PTPRM: variants seen among roughly 807,000 people sequenced by gnomAD.
PTPRM encodes the protein receptor-type tyrosine-protein phosphatase mu.
Under a neutral mutation model 186.7 loss-of-function variants are expected in PTPRM, and 47 were observed. The observed-to-expected ratio is 0.25, with a 90% CI of 0.20 to 0.32. PTPRM has a LOEUF of 0.32. PTPRM is among the 10% of genes least tolerant of loss of function. The pLI, the probability that PTPRM is intolerant of heterozygous loss-of-function variation, is 1.00. For missense variants in PTPRM, 1,494 were observed against 1,865.0 expected, an observed-to-expected ratio of 0.80 and a Z score of 3.66; for synonymous variants, 668 against 674.9, an observed-to-expected ratio of 0.99 and a Z score of 0.16.
intron 2 of PTPRM, among the ~76,000 whole-genome samples, chr18:7,835,542 G>A (rs1184057490): frequency 6.6e-6 from 1 of 152,116 alleles, no homozygotes; most frequent in Admixed American, 6.5e-5. Flanking sequence ...GGAAAAGAAT[G>A]TGTATTCTGC....
chr18:7,720,973 C>A (rs985965027), intron 1 of PTPRM, among the ~76,000 whole-genome samples: 1 of 151,892 alleles, frequency 6.6e-6, no homozygotes, highest in East Asian at 1.9e-4. Context: ...GCTTTGAATT[C>A]TTTTTGATAT....
At chr18:8,125,996 TATATATATATATATATATATATA>T (rs1320474157) in intron 13 of PTPRM, among the ~76,000 whole-genome samples, 20 of 13,232 alleles carry the variant, frequency 1.5e-3, no homozygotes, top group South Asian at 5.0e-3. Context: ...TATATATATA[TATATATATATATATATATATATA>T]TATATATATT....
At chr18:7,968,315 A>G (rs1485681423) in intron 7 of PTPRM, among the ~76,000 whole-genome samples, 2 of 146,174 alleles carry the variant, frequency 1.4e-5, no homozygotes, top group Non-Finnish European at 3.0e-5. Context: ...AGCGCTAAAC[A>G]TGGAAAGGAA....
intron 1 of PTPRM, among the ~76,000 whole-genome samples, chr18:7,753,090 A>G (rs973444990): frequency 6.6e-6 from 1 of 152,078 alleles, no homozygotes; most frequent in Non-Finnish European, 1.5e-5. Context: ...TTGGAAGGGG[A>G]TACAGGTCTC....
At chr18:7,768,193 C>T (rs2042102166) in intron 1 of PTPRM, among the ~76,000 whole-genome samples, 1 of 152,092 alleles carries the variant, frequency 6.6e-6, no homozygotes, top group South Asian at 2.1e-4. Flanking sequence ...ACTCCATTTT[C>T]TTTGATTTCT....
intron 26 of PTPRM, 134 bp downstream of exon 26, chr18:8,376,731 T>TTCAC: frequency 2.2e-6 from 2 of 915,552 alleles, no homozygotes; most frequent in Non-Finnish European, 1.5e-6. Context: ...TCCCTGTTCC[T>TTCAC]TCCCTCCCTC....
intron 12 of PTPRM, 85 bp from the exon 13 acceptor site, chr18:8,114,706 T>A: frequency 1.9e-6 from 2 of 1,066,904 alleles, no homozygotes; most frequent in South Asian, 1.4e-5. Flanking sequence ...TCCTTATCAG[T>A]GCTATTTAAA....
At chr18:7,727,991 A>G (rs1403158977) in intron 1 of PTPRM, among the ~76,000 whole-genome samples, 1 of 152,250 alleles carries the variant, frequency 6.6e-6, no homozygotes, top group Non-Finnish European at 1.5e-5. Context: ...TCAAGGTCAC[A>G]GAATCAGTAA....
At chr18:8,125,080 T>C (rs1044201588) in intron 13 of PTPRM, among the ~76,000 whole-genome samples, 16 of 152,028 alleles carry the variant, frequency 1.1e-4, no homozygotes, top group Admixed American at 1.3e-4. Flanking sequence ...CACCTAGGAC[T>C]GTGCCAGGCA....
rs138711774 is a variant in PTPRM, at chr18:7,800,664, G to C, written c.196+26393G>C. Among the ~76,000 whole-genome samples the C allele has an allele frequency of 2.4e-4, 36 of 152,280 alleles. No homozygotes were observed. The East Asian group carries it at 7.0e-3, about 29-fold the overall frequency. On this transcript the variant is annotated intron_variant, in intron 2 of 32. Coordinates refer to ENST00000580170, the MANE Select transcript of PTPRM (RefSeq NM_001105244.2). Reference sequence around the variant, plus strand: ...TTTAAAGGTTACAGTTGGTCATATAGTCATGTGTCTTTTAATAGCAGGGAT... The same window carrying C: ...TTTAAAGGTTACAGTTGGTCATATACTCATGTGTCTTTTAATAGCAGGGAT...
intron 11 of PTPRM, among the ~76,000 whole-genome samples, chr18:8,091,587 A>AGAT (rs2090730580): frequency 7.1e-6 from 1 of 140,218 alleles, no homozygotes; most frequent in African/African-American, 2.6e-5. Flanking sequence ...TGTCGAAAAG[A>AGAT]TTTTTTTTTT....
chr18:8,281,331 C>T (rs913901400), intron 19 of PTPRM, among the ~76,000 whole-genome samples: 22 of 152,222 alleles, frequency 1.4e-4, no homozygotes, highest in African/African-American at 5.3e-4. Context: ...TCACTGTACT[C>T]TCTTCCTCTA....
chr18:7,960,460 T>TAC (rs2053585079), intron 7 of PTPRM, among the ~76,000 whole-genome samples: 2 of 46,852 alleles, frequency 4.3e-5, no homozygotes, highest in African/African-American at 3.0e-4. Flanking sequence ...CATATATATA[T>TAC]ATATATATAT....
At chr18:8,396,716 A>AG (rs369513076) in intron 32 of PTPRM, among the ~76,000 whole-genome samples, 43 of 152,320 alleles carry the variant, frequency 2.8e-4, no homozygotes, top group African/African-American at 9.4e-4. Context: ...GTGGAGGATA[A>AG]GGTCAGGGTC....
chr18:8,222,237 T>A (rs78077895), intron 14 of PTPRM, among the ~76,000 whole-genome samples: 1,914 of 152,280 alleles, frequency 0.013, 34 homozygotes, highest in African/African-American at 0.044. Context: ...GAATGAATAC[T>A]GGAAAAGACA....
At chr18:7,943,043 C>T (rs1012697607) in intron 5 of PTPRM, among the ~76,000 whole-genome samples, 19 of 152,106 alleles carry the variant, frequency 1.2e-4, no homozygotes, top group African/African-American at 3.6e-4. Flanking sequence ...CTTTTTCCCT[C>T]GTGGATCACA....
At chr18:8,388,687 C>T (rs535413170) in intron 31 of PTPRM, among the ~76,000 whole-genome samples, 2 of 152,280 alleles carry the variant, frequency 1.3e-5, no homozygotes, top group South Asian at 2.1e-4. Flanking sequence ...GTTGGCCAGG[C>T]GCAGTGGCTC....
intron 31 of PTPRM, among the ~76,000 whole-genome samples, chr18:8,388,143 A>G (rs1407294337): frequency 1.3e-5 from 2 of 152,210 alleles, no homozygotes; most frequent in Non-Finnish European, 2.9e-5. Flanking sequence ...ATTGGCAGTG[A>G]TATGTAGCTA....
intron 13 of PTPRM, 73 bp from the exon 14 acceptor site, chr18:8,143,574 A>G: frequency 6.7e-7 from 1 of 1,493,558 alleles, no homozygotes; most frequent in South Asian, 1.2e-5. Context: ...AATGCAGCGA[A>G]ATTTTTTAAA....
Sources: allele counts gnomAD v4.1 joint callset (sites outside exome capture counted in the v4.1 genomes callset), GRCh38; gene constraint gnomAD v4.1.1; transcripts MANE v1.5; gene names NCBI Gene and HGNC (gene_info 2026-07-23, HGNC 2026-07-21).